APOL2: variants seen among roughly 807,000 people sequenced by gnomAD.
APOL2 encodes the protein apolipoprotein L, 2.
APOL2 carries 8 observed loss-of-function variants against 7.1 expected under a neutral mutation model. The ratio of observed to expected loss-of-function variants is 1.12; its 90% CI spans 0.66 to 2.03. The LOEUF (loss-of-function observed/expected upper bound fraction) is 2.03. APOL2 is among the 30% of genes most tolerant of loss of function. The probability of loss-of-function intolerance (pLI) is 0.00; values close to 1 mark genes in which losing one functional copy is unlikely to be tolerated. For missense variants in APOL2, 471 were observed against 415.1 expected (o/e 1.13, Z -1.17); for synonymous variants, 177 against 159.9 (o/e 1.11, Z -0.81).
intron 3 of APOL2, among the ~76,000 whole-genome samples, chr22:36,232,182 G>A (rs1420005371): frequency 6.6e-6 from 1 of 152,224 alleles, no homozygotes; most frequent in Non-Finnish European, 1.5e-5. Context: ...ATAAATACTT[G>A]TCTCTGACAC....
In APOL2 at chr22:36,228,058, G is replaced by A; in HGVS notation, c.360C>T (p.Ser120=). Reference sequence around the variant, plus strand: ...TGCCAGAGGTAGTGCCAACAGAGTTGGACACCACATTGGCAATGGTGGTGC... The same window carrying A: ...TGCCAGAGGTAGTGCCAACAGAGTTAGACACCACATTGGCAATGGTGGTGC... ...HRGTTIANVV[S]NSVGTTSGIL... Residue 120 remains serine, a synonymous_variant, in exon 5 of 5, where the codon TCC becomes TCT. Coordinates refer to ENST00000358502, the MANE Select transcript of APOL2 (RefSeq NM_030882.4). 1 of 1,614,200 alleles carries A rather than the reference G, an allele frequency of 6.2e-7. No individual in the cohort carries two copies. Among genetic ancestry groups the A allele is most frequent in the Non-Finnish European group, 8.5e-7 (1 of 1,180,030 alleles).
intron 1 of APOL2, among the ~76,000 whole-genome samples, chr22:36,238,437 A>G (rs1449183709): frequency 6.6e-6 from 1 of 152,156 alleles, no homozygotes. Flanking sequence ...TTAGAGGGGA[A>G]AAATCTTAGG....
rs936153044 is a variant in APOL2 at position 36,233,401 on chromosome 22, C to T, written c.-80+1G>A. On this transcript the variant is annotated splice_donor_variant, in intron 2 of 4. Coordinates refer to ENST00000358502, the MANE Select transcript of APOL2 (RefSeq NM_030882.4). LOFTEE classifies it low-confidence loss of function (5UTR_SPLICE). ...GCCAGCTAGTATTTACAGAAACTCACCTCGTTCCAGCTTCCTCTTCCCTCA... is the reference window on the plus strand; with the variant it reads ...GCCAGCTAGTATTTACAGAAACTCATCTCGTTCCAGCTTCCTCTTCCCTCA... The T allele has an allele frequency of 4.5e-6, 7 of 1,552,290 alleles. No individual in the cohort carries two copies. Among genetic ancestry groups the T allele is most frequent in the African/African-American group, 4.1e-5 (3 of 73,220 alleles).
chr22:36,232,537 G>C (rs115382532), intron 3 of APOL2, among the ~76,000 whole-genome samples: 20 of 152,324 alleles, frequency 1.3e-4, no homozygotes, highest in East Asian at 5.8e-4. Flanking sequence ...TTTAATCTTC[G>C]TGACAACATG....
At chr22:36,236,802 A>C in intron 1 of APOL2, 1 of 1,116,420 alleles carries the variant, frequency 9.0e-7, no homozygotes, top group South Asian at 4.4e-5. Context: ...TGGGGCCCCT[A>C]CGCAGCAAGA....
At chr22:36,237,699 T>C (rs2015456980) in intron 1 of APOL2, among the ~76,000 whole-genome samples, 1 of 152,174 alleles carries the variant, frequency 6.6e-6, no homozygotes, top group South Asian at 2.1e-4. Flanking sequence ...GCCTCAGCCG[T>C]GGCACTGCAC....
rs1250124203 is a variant in APOL2, at chr22:36,236,668, A to T, written c.-134+2773T>A. 4 of 985,198 alleles carry T rather than the reference A, an allele frequency of 4.1e-6. No individual in the cohort carries two copies. The African/African-American group carries it at 7.0e-5, about 17-fold the overall frequency. The allele number at this position is 985,198 out of a possible 1,614,324, so 61.0% of individuals were successfully genotyped here. A position where few individuals can be genotyped will look rare whatever the true frequency, so the allele number is the denominator to read the frequency against. On this transcript the variant is annotated intron_variant, in intron 1 of 4. Coordinates refer to ENST00000358502, the MANE Select transcript of APOL2 (RefSeq NM_030882.4). ...CTTTGTTTGCAGACTTTATTTTAAC[A>T]GCTCAGTGGTTCCCGGGCATCCTCC...
rs1323280291 is a variant in APOL2 at position 36,228,004 on chromosome 22, T to G, written c.414A>C (p.Ala138=). Residue 138 remains alanine (A), a synonymous_variant, in exon 5 of 5, where the codon GCA becomes GCC. Transcript: ENST00000358502. ...GILTLLGLGL[A]PFTEGISFVL... ...CAAAACTGATTCCTTCTGTGAAGGG[T>G]GCCAGACCCAGGCCGAGGAGGGTCA... 2 of 1,614,172 alleles carry G rather than the reference T, an allele frequency of 1.2e-6. No individual in the cohort carries two copies. The highest frequency in any genetic ancestry group is 2.2e-5 in the East Asian group (1 of 44,876).
intron 1 of APOL2, 83 bp from the exon 2 acceptor site, chr22:36,233,538 T>C: frequency 1.6e-6 from 2 of 1,262,944 alleles, no homozygotes; most frequent in Non-Finnish European, 2.2e-6. Context: ...TACACAGGAA[T>C]AGAGATGGGA....
chr22:36,227,239 C>T lies in APOL2; in HGVS notation c.*165G>A, dbSNP rs1364216712. The T allele has an allele frequency of 1.3e-6, 1 of 797,234 alleles. No homozygotes were observed. The highest frequency in any genetic ancestry group is 1.8e-6 in the Non-Finnish European group (1 of 541,488). The allele number at this position is 797,234 out of a possible 1,614,324, so 49.4% of individuals were successfully genotyped here. On this transcript the variant is annotated 3_prime_UTR_variant, in exon 5 of 5. Transcript: ENST00000358502. ...ACTGAGGCCGGAGAATGGTGTGAAC[C>T]CGGGAGGCGGAGTTTGCAGTGAGCC...
rs568333487 is a variant in APOL2, at chr22:36,227,240, C to T, written c.*164G>A. 59 of 805,142 alleles carry T rather than the reference C, an allele frequency of 7.3e-5. No individual in the cohort carries two copies. Among genetic ancestry groups the T allele is most frequent in the East Asian group, 4.9e-4 (17 of 34,364 alleles). 49.9% of individuals were successfully genotyped at this position (805,142 alleles called of 1,614,324 possible). A position where few individuals can be genotyped will look rare whatever the true frequency, so the allele number is the denominator to read the frequency against. On this transcript the variant is annotated 3_prime_UTR_variant, in exon 5 of 5. Coordinates refer to ENST00000358502, the MANE Select transcript of APOL2 (RefSeq NM_030882.4). ...CTGAGGCCGGAGAATGGTGTGAACCCGGGAGGCGGAGTTTGCAGTGAGCCG... is the reference window on the plus strand; with the variant it reads ...CTGAGGCCGGAGAATGGTGTGAACCTGGGAGGCGGAGTTTGCAGTGAGCCG...
chr22:36,230,687 A>G (rs1454716403), intron 4 of APOL2, among the ~76,000 whole-genome samples: 1 of 152,038 alleles, frequency 6.6e-6, no homozygotes, highest in Non-Finnish European at 1.5e-5. Flanking sequence ...ATGACATTGA[A>G]TTGCTATTCC....
Position 36,227,615 on chromosome 22 carries a change from A to G in APOL2, c.803T>C (p.Met268Thr). Reference sequence around the variant, plus strand: ...ACCCACGATCATGGTTCCTCTGCTCATTGCCTGGGCGGGGCCTTCAACAAC... The same window carrying G: ...ACCCACGATCATGGTTCCTCTGCTCGTTGCCTGGGCGGGGCCTTCAACAAC... ...ERVVEGPAQAMSRGTMIVGAA... is the reference protein window; with the variant it reads ...ERVVEGPAQATSRGTMIVGAA... The change falls in exon 5 of 5, where the codon ATG (methionine) becomes ACG (threonine). Residue 268 changes from methionine (M) to threonine (T), a missense_variant. Transcript: ENST00000358502. 7 of 1,614,192 alleles carry G rather than the reference A, an allele frequency of 4.3e-6. No individual in the cohort carries two copies. The highest frequency in any genetic ancestry group is 5.9e-6 in the Non-Finnish European group (7 of 1,180,038).
chr22:36,228,694 GC>G (rs542696875), intron 4 of APOL2, among the ~76,000 whole-genome samples: 8 of 152,286 alleles, frequency 5.3e-5, no homozygotes, highest in African/African-American at 1.9e-4. Context: ...CCAAAGAGAG[GC>G]CTTCCCTTTG....
chr22:36,231,310 G>GC, intron 4 of APOL2, 30 bp downstream of exon 4: 1 of 1,607,412 alleles, frequency 6.2e-7, no homozygotes, highest in African/African-American at 1.3e-5. Context: ...TCGCTGGGGC[G>GC]CCCCATGGAG....
At chr22:36,231,598 G>C (rs1360949730) in intron 3 of APOL2, 132 bp from the exon 4 acceptor site, 2 of 1,111,370 alleles carry the variant, frequency 1.8e-6, no homozygotes, top group Non-Finnish European at 2.6e-6. Context: ...GGAGTCATCA[G>C]TGCTATAGAG....
At chr22:36,228,524 A>G (rs1322618912) in intron 4 of APOL2, among the ~76,000 whole-genome samples, 2 of 152,212 alleles carry the variant, frequency 1.3e-5, no homozygotes, top group Admixed American at 1.3e-4. Context: ...CTTTCATGGT[A>G]GGTGTTTGAT....
chr22:36,229,915 C>T (rs2015157587), intron 4 of APOL2, among the ~76,000 whole-genome samples: 1 of 152,082 alleles, frequency 6.6e-6, no homozygotes, highest in African/African-American at 2.4e-5. Flanking sequence ...TTCATTCTGG[C>T]TCCACATGGA....
chr22:36,228,084 C>G lies in APOL2; in HGVS notation c.334G>C (p.Gly112Arg). ...GACACCACATTGGCAATGGTGGTGC[C>G]TCTGTGGACCTGCTCAACCTCCTCT... ...LAEEVEQVHRGTTIANVVSNS... is the reference protein window; with the variant it reads ...LAEEVEQVHRRTTIANVVSNS... The change falls in exon 5 of 5, where the codon GGC becomes CGC. Residue 112 changes from glycine to arginine, a missense_variant. Gly to Arg is a moderately radical substitution (Grantham distance 125, BLOSUM62 -2). Coordinates refer to ENST00000358502, the MANE Select transcript of APOL2 (RefSeq NM_030882.4). 1.9e-6 allele frequency: 3 copies of G among 1,614,224 alleles called. No individual in the cohort carries two copies. The highest frequency in any genetic ancestry group is 2.5e-6 in the Non-Finnish European group (3 of 1,180,034).
Sources: gnomAD v4.1 joint callset for allele counts (sites outside exome capture counted in the v4.1 genomes callset) on GRCh38, gnomAD v4.1.1 for gene constraint, MANE v1.5 for transcripts, NCBI Gene and HGNC (gene_info 2026-07-23, HGNC 2026-07-21) for gene names.